Variants in RFTN1 observed in about 807,000 individuals in gnomAD.
RFTN1 encodes raftlin.
RFTN1 carries 26 observed loss-of-function variants against 46.5 expected under a neutral mutation model. The observed-to-expected ratio is 0.56, with a 90% confidence interval of 0.41 to 0.78. The LOEUF (loss-of-function observed/expected upper bound fraction) is 0.78, where lower values mean the gene tolerates loss of function less well. Ranked by LOEUF, RFTN1 falls within the 30% of genes least tolerant of loss-of-function variation. The pLI is 0.00. For missense variants in RFTN1, 693 were observed against 718.7 expected, an observed-to-expected ratio of 0.96 and a Z score of 0.41; for synonymous variants, 261 against 284.2, an observed-to-expected ratio of 0.92 and a Z score of 0.82.
Position 16,424,164 on chromosome 3 carries a change from G to A in RFTN1, c.332+9687C>T, listed in dbSNP as rs1472817636. Among the ~76,000 whole-genome samples, 1 of 152,088 alleles carries A rather than the reference G, an allele frequency of 6.6e-6. No individual in the cohort carries two copies. The highest frequency in any genetic ancestry group is 2.4e-5 in the African/African-American group (1 of 41,406). The stretch of plus-strand genomic sequence containing the variant: ...AAAATTCTCAGAATTCTCTGAGGAT[G>A]TTTCTATAAGCTCTGGGGCCTCTGA... On this transcript the variant is annotated intron_variant, in intron 3 of 9. Coordinates refer to ENST00000334133, the MANE Select transcript of RFTN1 (RefSeq NM_015150.2). The surrounding 1 kb of genome is among the most constrained non-coding windows in gnomAD (Gnocchi z 4.7).
rs74527327 is a variant in RFTN1, at chr3:16,480,396, T to C, written c.145+13329A>G. Among the ~76,000 whole-genome samples the C allele has an allele frequency of 6.6e-6, 1 of 152,346 alleles. No individual in the cohort carries two copies. Among genetic ancestry groups the C allele is most frequent in the African/African-American group, 2.4e-5 (1 of 41,564 alleles). On this transcript the variant is annotated intron_variant, in intron 2 of 9. Coordinates refer to ENST00000334133, the MANE Select transcript of RFTN1 (RefSeq NM_015150.2). This position sits in a 1 kb window ranked among gnomAD's most constrained non-coding sequence, Gnocchi z 4.3. The stretch of plus-strand genomic sequence containing the variant: ...CTCCTCCTGATAAATCATGTGTATG[T>C]ACCTGCAAAGTATGTTTATGCAACA...
chr3:16,342,913 C>T lies in RFTN1; in HGVS notation c.1146+15019G>A, dbSNP rs1184352272. Among the ~76,000 whole-genome samples, 2 of 152,334 alleles carry T rather than the reference C, an allele frequency of 1.3e-5. No individual in the cohort carries two copies. Among genetic ancestry groups the T allele is most frequent in the Non-Finnish European group, 2.9e-5 (2 of 68,042 alleles). ...CTGACTTTGAGTCTCGATCTCAGCT[C>T]ACTGCAGCCTCAACCTCCCAGGCTC... On this transcript the variant is annotated intron_variant, in intron 7 of 9. Coordinates refer to ENST00000334133, the MANE Select transcript of RFTN1 (RefSeq NM_015150.2). The surrounding 1 kb of genome is among the most constrained non-coding windows in gnomAD (Gnocchi z 4.0).
chr3:16,345,855 T>C lies in RFTN1; in HGVS notation c.1146+12077A>G, dbSNP rs62233954. Among the ~76,000 whole-genome samples the C allele has an allele frequency of 0.089, 5,501 of 61,608 alleles. 130 individuals are homozygous for C. Among genetic ancestry groups the C allele is most frequent in the East Asian group, 0.16 (336 of 2,118 alleles). The allele number at this position is 61,608 out of a possible 152,430, so 40.4% of individuals were successfully genotyped here. On this transcript the variant is annotated intron_variant, in intron 7 of 9. Transcript: ENST00000334133. This position sits in a 1 kb window ranked among gnomAD's most constrained non-coding sequence, Gnocchi z 5.2. ...GCGCGCACGCGCACATGTGCATGTG[T>C]ATGTGTATAATCTCCTACTGGTTCT...
rs562367700 is a variant in RFTN1 at position 16,468,881 on chromosome 3, C to T, written c.145+24844G>A. 2.6e-5 allele frequency among the ~76,000 whole-genome samples: 4 copies of T among 152,348 alleles called. No homozygotes were observed. The East Asian group carries it at 7.7e-4, about 29-fold the overall frequency. ...CCAGAAAAGGGTACGTATGCTTCCC[C>T]TTCCTGTGGCTGGCCCATTAGGGCA... On this transcript the variant is annotated intron_variant, in intron 2 of 9. Coordinates refer to ENST00000334133, the MANE Select transcript of RFTN1 (RefSeq NM_015150.2). The surrounding 1 kb of genome is among the most constrained non-coding windows in gnomAD (Gnocchi z 4.4).
At chr3:16,399,854 C>G (rs2074559302) in intron 4 of RFTN1, among the ~76,000 whole-genome samples, 1 of 152,152 alleles carries the variant, frequency 6.6e-6, no homozygotes, top group Admixed American at 6.5e-5. Context: ...GCCTCGTTAC[C>G]CCATCCAGAA....
chr3:16,439,694 G>A (rs1156888800), intron 2 of RFTN1, among the ~76,000 whole-genome samples: 1 of 152,170 alleles, frequency 6.6e-6, no homozygotes, highest in Non-Finnish European at 1.5e-5. Context: ...CTGGAGTGAG[G>A]AAGGAGAGGC....
chr3:16,483,801 T>A lies in RFTN1; in HGVS notation c.145+9924A>T, dbSNP rs928079387. On this transcript the variant is annotated intron_variant, in intron 2 of 9. Coordinates refer to ENST00000334133, the MANE Select transcript of RFTN1 (RefSeq NM_015150.2). The surrounding 1 kb of genome is among the most constrained non-coding windows in gnomAD (Gnocchi z 4.8). Reference sequence around the variant, plus strand: ...TACTCCACATGATCTTTTAAGGTTCTCCAAGTGTGGTCCCCAGACCAGCAG... The same window carrying A: ...TACTCCACATGATCTTTTAAGGTTCACCAAGTGTGGTCCCCAGACCAGCAG... Among the ~76,000 whole-genome samples the A allele has an allele frequency of 6.6e-6, 1 of 152,172 alleles. No homozygotes were observed. Among genetic ancestry groups the A allele is most frequent in the Non-Finnish European group, 1.5e-5 (1 of 68,026 alleles).
chr3:16,429,011 A>G lies in RFTN1; in HGVS notation c.332+4840T>C, dbSNP rs1342389123. Among the ~76,000 whole-genome samples, 2 of 152,252 alleles carry G rather than the reference A, an allele frequency of 1.3e-5. No individual in the cohort carries two copies. Among genetic ancestry groups the G allele is most frequent in the Non-Finnish European group, 2.9e-5 (2 of 68,038 alleles). Reference sequence around the variant, plus strand: ...AAAGAAAGAGTTGAGAAAATGAAGTACAAACTCTCTTTCTACTTATTCACT... The same window carrying G: ...AAAGAAAGAGTTGAGAAAATGAAGTGCAAACTCTCTTTCTACTTATTCACT... On this transcript the variant is annotated intron_variant, in intron 3 of 9. Coordinates refer to ENST00000334133, the MANE Select transcript of RFTN1 (RefSeq NM_015150.2). The surrounding 1 kb of genome is among the most constrained non-coding windows in gnomAD (Gnocchi z 6.4).
intron 2 of RFTN1, among the ~76,000 whole-genome samples, chr3:16,461,327 T>C (rs75510370): frequency 0.031 from 4,721 of 152,344 alleles, 114 homozygotes; most frequent in Non-Finnish European, 0.039. Context: ...GGGAAGCATA[T>C]ATATATTTCT....
At chr3:16,319,154 C>CA (rs1442349346) in intron 9 of RFTN1, among the ~76,000 whole-genome samples, 11 of 152,064 alleles carry the variant, frequency 7.2e-5, no homozygotes, top group Admixed American at 5.2e-4. Context: ...ATGGATGTTC[C>CA]AAAACAGTCA....
intron 2 of RFTN1, among the ~76,000 whole-genome samples, chr3:16,464,979 C>T (rs1185221650): frequency 6.6e-6 from 1 of 152,184 alleles, no homozygotes; most frequent in African/African-American, 2.4e-5. Flanking sequence ...CCCCACTCTT[C>T]TAATTTGCTT....
chr3:16,470,369 G>A (rs2076173654), intron 2 of RFTN1, among the ~76,000 whole-genome samples: 1 of 152,232 alleles, frequency 6.6e-6, no homozygotes, highest in African/African-American at 2.4e-5. Flanking sequence ...ACTGCACTGG[G>A]CGAGGTTTTG....
intron 4 of RFTN1, among the ~76,000 whole-genome samples, chr3:16,409,101 G>T (rs908415484): frequency 1.3e-5 from 2 of 152,316 alleles, no homozygotes; most frequent in African/African-American, 4.8e-5. Flanking sequence ...AAGGAGTCCC[G>T]GCGCAGGCCT....
rs2075725733 is a variant in RFTN1, at chr3:16,446,174, G to T, written c.146-12137C>A. 6.6e-6 allele frequency among the ~76,000 whole-genome samples: 1 copy of T among 151,816 alleles called. No homozygotes were observed. The highest frequency in any genetic ancestry group is 2.1e-4 in the South Asian group (1 of 4,818). On this transcript the variant is annotated intron_variant, in intron 2 of 9. Coordinates refer to ENST00000334133, the MANE Select transcript of RFTN1 (RefSeq NM_015150.2). The surrounding 1 kb of genome is among the most constrained non-coding windows in gnomAD (Gnocchi z 4.5). Reference sequence around the variant, plus strand: ...CACTCTGGTGGATGGTGAACTCTGGGGTCCCCATATTCCCTGGGCCCTAAA... The same window carrying T: ...CACTCTGGTGGATGGTGAACTCTGGTGTCCCCATATTCCCTGGGCCCTAAA...
chr3:16,323,626 T>C (rs1324553680), intron 8 of RFTN1, among the ~76,000 whole-genome samples, 169 bp from the exon 9 acceptor site: 1 of 152,186 alleles, frequency 6.6e-6, no homozygotes, highest in African/African-American at 2.4e-5. Context: ...CCAACCTTGC[T>C]TCCGAGGGGC....
At chr3:16,431,829 C>A (rs975140605) in intron 3 of RFTN1, among the ~76,000 whole-genome samples, 16 of 152,138 alleles carry the variant, frequency 1.1e-4, no homozygotes, top group Admixed American at 2.6e-4. Flanking sequence ...AGATATCCTC[C>A]CCCACTTTCT....
rs1432612220 is a variant in RFTN1 at position 16,457,695 on chromosome 3, G to A, written c.146-23658C>T. Among the ~76,000 whole-genome samples the A allele has an allele frequency of 1.3e-5, 2 of 152,180 alleles. No homozygotes were observed. Among genetic ancestry groups the A allele is most frequent in the South Asian group, 2.1e-4 (1 of 4,824 alleles). On this transcript the variant is annotated intron_variant, in intron 2 of 9. Transcript: ENST00000334133. The surrounding 1 kb of genome is among the most constrained non-coding windows in gnomAD (Gnocchi z 4.2). The stretch of plus-strand genomic sequence containing the variant: ...ATTACATTACTAATTTCACAGTGGA[G>A]CAGGGAATAAGTATACACACAACTA...
At position 16,370,497 on chromosome 3, in the gene RFTN1, T is replaced by C. The variant is rs1042336728; in HGVS notation, c.827-218A>G. 6.6e-6 allele frequency among the ~76,000 whole-genome samples: 1 copy of C among 152,238 alleles called. No homozygotes were observed. Among genetic ancestry groups the C allele is most frequent in the Non-Finnish European group, 1.5e-5 (1 of 68,040 alleles). ...ACATGGACCTGAAGGGTTGGGCTTC[T>C]GATGGGGAACTTAGGTTTTTAATCT... On this transcript the variant is annotated intron_variant, in intron 5 of 9. Coordinates refer to ENST00000334133, the MANE Select transcript of RFTN1 (RefSeq NM_015150.2). The surrounding 1 kb of genome is among the most constrained non-coding windows in gnomAD (Gnocchi z 5.5).
intron 1 of RFTN1, among the ~76,000 whole-genome samples, chr3:16,511,713 A>G (rs1175492802): frequency 6.6e-6 from 1 of 151,956 alleles, no homozygotes; most frequent in South Asian, 2.1e-4. Context: ...CTCATGCCAA[A>G]GATTTTCTGC....
Sources: gnomAD v4.1 joint callset for allele counts (sites outside exome capture counted in the v4.1 genomes callset) on GRCh38, gnomAD v4.1.1 for gene constraint, Gnocchi (gnomAD v3.1) non-coding constraint, MANE v1.5 for transcripts, NCBI Gene and HGNC (gene_info 2026-07-23, HGNC 2026-07-21) for gene names.